Variants in NXPE2 observed in about 807,000 individuals in gnomAD.
NXPE2 encodes the protein neurexophilin and PC-esterase domain family member 2, also known as NXPE family member 2.
In NXPE2, 34 loss-of-function variants were observed where a neutral mutation model predicts 34.4. That is an observed-to-expected ratio of 0.99 (90% CI 0.75 to 1.31). NXPE2 has a LOEUF of 1.31. Ranked by LOEUF, NXPE2 falls within the 40% of genes most tolerant of loss-of-function variation. The probability of loss-of-function intolerance (pLI) is 0.00; values close to 1 mark genes in which losing one functional copy is unlikely to be tolerated. For synonymous variants in NXPE2, 235 were observed against 231.3 expected (o/e 1.02, Z -0.15); for missense variants, 649 against 672.5 (o/e 0.97, Z 0.39).
At chr11:114,753,848 A>T in the NXPE2 span, among the ~76,000 whole-genome samples, 1 of 152,214 alleles carries the variant, frequency 6.6e-6, no homozygotes, top group African/African-American at 2.4e-5. Context: ...GAGATTTTGC[A>T]TATTAAAGTA....
the NXPE2 span, among the ~76,000 whole-genome samples, chr11:114,758,198 G>C: frequency 6.6e-6 from 1 of 152,114 alleles, no homozygotes; most frequent in South Asian, 2.1e-4. Context: ...CATTTCCTAG[G>C]TGAATTTCAC....
upstream of NXPE2, among the ~76,000 whole-genome samples, chr11:114,675,947 T>A (rs1591421648): frequency 6.6e-6 from 1 of 151,888 alleles, no homozygotes; most frequent in African/African-American, 2.4e-5. Context: ...TAAATCCACA[T>A]GTTTACAGTC....
chr11:114,795,294 A>T, the NXPE2 span, among the ~76,000 whole-genome samples: 4 of 152,134 alleles, frequency 2.6e-5, no homozygotes, highest in Non-Finnish European at 4.4e-5. Flanking sequence ...AATTTCAGAG[A>T]TGGGATTCAT....
intron 2 of NXPE2, among the ~76,000 whole-genome samples, chr11:114,691,610 T>A (rs1029457122): frequency 6.6e-6 from 1 of 152,166 alleles, no homozygotes; most frequent in Non-Finnish European, 1.5e-5. Context: ...CCCCATGCCC[T>A]GATAGGAAGA....
the NXPE2 span, among the ~76,000 whole-genome samples, chr11:114,807,784 C>A: frequency 6.6e-6 from 1 of 151,886 alleles, no homozygotes; most frequent in South Asian, 2.1e-4. Flanking sequence ...ACAGATCAAA[C>A]GAGACAGAAA....
chr11:114,782,039 TTA>T, the NXPE2 span, among the ~76,000 whole-genome samples: 24 of 152,310 alleles, frequency 1.6e-4, no homozygotes, highest in East Asian at 4.4e-3. Context: ...CCATGGATGT[TTA>T]TGTTCTTCTT....
chr11:114,580,523 T>C, the NXPE2 span, among the ~76,000 whole-genome samples: 1 of 152,190 alleles, frequency 6.6e-6, no homozygotes, highest in Non-Finnish European at 1.5e-5. Context: ...TTCTCTGATG[T>C]GAATTTCCTA....
At chr11:114,810,999 G>T in the NXPE2 span, among the ~76,000 whole-genome samples, 5 of 151,986 alleles carry the variant, frequency 3.3e-5, no homozygotes, top group African/African-American at 1.2e-4. Context: ...GGAATACTAT[G>T]CAGCCATAAA....
chr11:114,680,867 CATCT>C (rs1490373908), intron 2 of NXPE2, among the ~76,000 whole-genome samples: 1 of 152,122 alleles, frequency 6.6e-6, no homozygotes, highest in Non-Finnish European at 1.5e-5. Flanking sequence ...TGGATATCTC[CATCT>C]AAGTCTTCCA....
chr11:114,804,633 G>C, the NXPE2 span, among the ~76,000 whole-genome samples: 2 of 152,198 alleles, frequency 1.3e-5, no homozygotes, highest in Admixed American at 1.3e-4. Context: ...TGGTCTTAGA[G>C]AGAAGTCTTC....
the NXPE2 span, among the ~76,000 whole-genome samples, chr11:114,795,416 G>T: frequency 6.6e-6 from 1 of 152,148 alleles, no homozygotes; most frequent in Non-Finnish European, 1.5e-5. Context: ...AGGGTTATGG[G>T]GTTTCAACTT....
At chr11:114,793,236 A>C in the NXPE2 span, among the ~76,000 whole-genome samples, 1 of 152,042 alleles carries the variant, frequency 6.6e-6, no homozygotes, top group East Asian at 1.9e-4. Context: ...GATTGCTTCA[A>C]TTTTCCTTCA....
At chr11:114,766,476 T>A in the NXPE2 span, among the ~76,000 whole-genome samples, 1 of 152,192 alleles carries the variant, frequency 6.6e-6, no homozygotes, top group African/African-American at 2.4e-5. Context: ...AGAAATGCTC[T>A]AATTCTTCTA....
At chr11:114,639,747 AAT>A in the NXPE2 span, among the ~76,000 whole-genome samples, 6 of 130,342 alleles carry the variant, frequency 4.6e-5, no homozygotes, top group Admixed American at 8.9e-5. Context: ...AATAATATAT[AAT>A]ATATATTATA....
chr11:114,710,476 C>G (rs1041843829), downstream of NXPE2, among the ~76,000 whole-genome samples: 1 of 152,120 alleles, frequency 6.6e-6, no homozygotes, highest in Non-Finnish European at 1.5e-5. Flanking sequence ...TGTACGCTAA[C>G]AAATTGTATA....
chr11:114,686,137 A>G (rs1159138700), intron 2 of NXPE2, among the ~76,000 whole-genome samples: 1 of 152,018 alleles, frequency 6.6e-6, no homozygotes, highest in African/African-American at 2.4e-5. Flanking sequence ...TTAAAATTTT[A>G]GATTTAGGGA....
Position 114,706,711 on chromosome 11 carries a change from T to G in NXPE2, c.1461T>G (p.Leu487=). 1 of 1,552,250 alleles carries G rather than the reference T, an allele frequency of 6.4e-7. No individual in the cohort carries two copies. Among genetic ancestry groups the G allele is most frequent in the Non-Finnish European group, 8.7e-7 (1 of 1,147,064 alleles). Residue 487 remains leucine (L), a synonymous_variant, in exon 6 of 6, where the codon CTT becomes CTG. Transcript: ENST00000389586. ...FLRSPETKVI[L]KTENTREIEQ... ...GAAGCCCGGAGACCAAGGTGATACT[T>G]AAAACTGAAAACACCAGAGAGATAG...
At chr11:114,630,665 T>G in the NXPE2 span, among the ~76,000 whole-genome samples, 9 of 150,524 alleles carry the variant, frequency 6.0e-5, no homozygotes, top group African/African-American at 2.2e-4. Flanking sequence ...AAGCCAAAAT[T>G]GACAAATGGG....
the NXPE2 span, among the ~76,000 whole-genome samples, chr11:114,628,573 G>T: frequency 0.2 from 29,176 of 149,362 alleles, 3,310 homozygotes; most frequent in African/African-American, 0.32. Context: ...AAGCAGGAAA[G>T]ATCCAAAATT....
Sources: gnomAD v4.1 joint callset for allele counts (sites outside exome capture counted in the v4.1 genomes callset) on GRCh38, gnomAD v4.1.1 for gene constraint, MANE v1.5 for transcripts, NCBI Gene and HGNC (gene_info 2026-07-23, HGNC 2026-07-21) for gene names.